RARB: variants seen among roughly 807,000 people sequenced by gnomAD.
The protein encoded by RARB is retinoic acid receptor beta.
Under a neutral mutation model 51.9 loss-of-function variants are expected in RARB, and 17 were observed. That is an observed-to-expected ratio of 0.33 (90% CI 0.22 to 0.49). RARB has a LOEUF of 0.49. Among genes scored for constraint, RARB ranks in the 20% least tolerant of loss-of-function variants. The pLI is 0.99. For missense variants in RARB, 369 were observed against 550.8 expected, an observed-to-expected ratio of 0.67 and a Z score of 3.30; for synonymous variants, 215 against 195.4, an observed-to-expected ratio of 1.10 and a Z score of -0.84.
chr3:25,238,445 T>C (rs1175171913), intron 5 of RARB, among the ~76,000 whole-genome samples: 1 of 152,228 alleles, frequency 6.6e-6, no homozygotes, highest in African/African-American at 2.4e-5. Flanking sequence ...ATCTTTGATG[T>C]TGTGAATAGT....
intron 1 of RARB, among the ~76,000 whole-genome samples, chr3:24,858,342 A>G (rs1311443669): frequency 6.6e-6 from 1 of 152,144 alleles, no homozygotes; most frequent in African/African-American, 2.4e-5. Context: ...TGGGCACTAT[A>G]ATTAACGATT....
chr3:25,066,124 C>G (rs1393047037), intron 3 of RARB, among the ~76,000 whole-genome samples: 3 of 152,088 alleles, frequency 2.0e-5, no homozygotes, highest in Admixed American at 6.5e-5. Flanking sequence ...AGCTGCTGCC[C>G]TTTCATTTTA....
intron 2 of RARB, among the ~76,000 whole-genome samples, chr3:25,464,169 T>G (rs73820495): frequency 6.6e-6 from 1 of 152,160 alleles, no homozygotes; most frequent in Non-Finnish European, 1.5e-5. Flanking sequence ...GAAATCTGAG[T>G]GAGGTATGCT....
intron 3 of RARB, among the ~76,000 whole-genome samples, chr3:25,119,669 A>G (rs976214732): frequency 2.7e-5 from 4 of 148,024 alleles, no homozygotes; most frequent in Admixed American, 6.7e-5. Flanking sequence ...CAAAAAAAAA[A>G]CAACAACAAA....
chr3:24,980,390 C>T (rs73608940), intron 2 of RARB, among the ~76,000 whole-genome samples: 1 of 152,182 alleles, frequency 6.6e-6, no homozygotes, highest in Non-Finnish European at 1.5e-5. Context: ...CATTCTCCCT[C>T]TCACTTTCAG....
intron 1 of RARB, among the ~76,000 whole-genome samples, chr3:24,836,790 T>C (rs1406935939): frequency 1.3e-5 from 2 of 152,246 alleles, no homozygotes; most frequent in African/African-American, 2.4e-5. Flanking sequence ...GAAGATACTT[T>C]GGAAAAATTC....
chr3:25,232,783 G>GT (rs1398983312), intron 5 of RARB, among the ~76,000 whole-genome samples: 5 of 151,838 alleles, frequency 3.3e-5, no homozygotes, highest in African/African-American at 1.2e-4. Context: ...CAATCATTCT[G>GT]TTTTTCACTT....
chr3:25,531,017 T>G lies in RARB; in HGVS notation c.448+29694T>G, dbSNP rs1575492190. Among the ~76,000 whole-genome samples the G allele has an allele frequency of 2.0e-5, 3 of 152,328 alleles. No individual in the cohort carries two copies. The East Asian group carries it at 5.8e-4, about 29-fold the overall frequency. On this transcript the variant is annotated intron_variant, in intron 3 of 7. Coordinates refer to ENST00000330688, the MANE Select transcript of RARB (RefSeq NM_000965.5). ...TTTTGTTTAGTTTGTGTGTTTGTTT[T>G]ACATAATTGCCGGAAACACAGGTGG... is the stretch of plus-strand genomic sequence containing the variant.
chr3:24,983,143 G>A lies in RARB; in HGVS notation c.-379-76982G>A, dbSNP rs1315597716. On this transcript the variant is annotated intron_variant, in intron 2 of 11. Transcript: ENST00000383772. ...TGAGTTGCCAATAAAACACACATGT[G>A]CTAGTGAGCATTTGTAGCTGTCACA... is the stretch of plus-strand genomic sequence containing the variant. Among the ~76,000 whole-genome samples, 4 of 152,232 alleles carry A rather than the reference G, an allele frequency of 2.6e-5. No individual in the cohort carries two copies. In the East Asian group the frequency reaches 5.8e-4, roughly 22 times the overall value.
intron 3 of RARB, among the ~76,000 whole-genome samples, chr3:25,542,775 A>G (rs913472169): frequency 6.6e-6 from 1 of 152,226 alleles, no homozygotes; most frequent in African/African-American, 2.4e-5. Context: ...GCAGGTAATT[A>G]GTAAATTTAT....
chr3:25,461,252 C>G lies in RARB; in HGVS notation c.217C>G (p.Pro73Ala), dbSNP rs1334638232. 1.2e-6 allele frequency: 2 copies of G among 1,614,098 alleles called. No homozygotes were observed. Among genetic ancestry groups the G allele is most frequent in the South Asian group, 2.2e-5 (2 of 91,080 alleles). ...ELVPSPPSPL[P>A]PPRVYKPCFV... is the part of the protein sequence containing the mutation. Reference sequence around the variant, plus strand: ...CGTCCCAAGCCCCCCATCTCCACTTCCTCCCCCTCGAGTGTACAAACCCTG... The same window carrying G: ...CGTCCCAAGCCCCCCATCTCCACTTGCTCCCCCTCGAGTGTACAAACCCTG... Residue 73 changes from proline to alanine, a missense_variant, in exon 2 of 8, where the codon CCT (proline) becomes GCT (alanine). This residue lies in a region of RARB where 99 missense variants were observed against 95.1 expected (regional missense o/e 1.04). Transcript: ENST00000330688.
At chr3:25,242,560 G>A (rs1702459143) in intron 5 of RARB, among the ~76,000 whole-genome samples, 1 of 152,128 alleles carries the variant, frequency 6.6e-6, no homozygotes, top group Non-Finnish European at 1.5e-5. Context: ...TATTAAATAG[G>A]GAATCCTTTT....
intron 2 of RARB, among the ~76,000 whole-genome samples, chr3:25,011,200 G>C (rs1200038918): frequency 1.3e-5 from 2 of 152,104 alleles, no homozygotes; most frequent in Non-Finnish European, 2.9e-5. Flanking sequence ...AAAAGGGAAT[G>C]AACAATAAAG....
chr3:24,959,496 A>G (rs970281540), intron 2 of RARB, among the ~76,000 whole-genome samples: 4 of 152,032 alleles, frequency 2.6e-5, no homozygotes, highest in Admixed American at 2.6e-4. Flanking sequence ...AGGGTTTTTT[A>G]TCGATATAGC....
chr3:25,017,986 C>G (rs532337451), intron 2 of RARB, among the ~76,000 whole-genome samples: 25 of 152,170 alleles, frequency 1.6e-4, no homozygotes, highest in Non-Finnish European at 3.5e-4. Context: ...AGCAGCCCAT[C>G]TCTAGACACC....
intron 2 of RARB, among the ~76,000 whole-genome samples, chr3:24,874,462 G>C (rs1187526716): frequency 1.3e-5 from 2 of 151,976 alleles, no homozygotes; most frequent in African/African-American, 4.8e-5. Flanking sequence ...ATGCCCTTCA[G>C]ATATTTCAAA....
At chr3:25,487,652 G>C (rs914518250) in intron 2 of RARB, among the ~76,000 whole-genome samples, 8 of 152,048 alleles carry the variant, frequency 5.3e-5, no homozygotes, top group Non-Finnish European at 1.2e-4. Context: ...GAAATACTTT[G>C]GGTAAGCAAG....
At chr3:25,079,454 A>AG (rs964364373) in intron 3 of RARB, among the ~76,000 whole-genome samples, 1 of 152,162 alleles carries the variant, frequency 6.6e-6, no homozygotes, top group Admixed American at 6.5e-5. Flanking sequence ...TCCAATCTTA[A>AG]GGGGAAAGCA....
intron 5 of RARB, among the ~76,000 whole-genome samples, chr3:25,366,149 C>T (rs1706112634): frequency 1.3e-5 from 2 of 152,166 alleles, no homozygotes; most frequent in Admixed American, 6.5e-5. Flanking sequence ...GGCTTCACAT[C>T]CATTTTCTTC....
Sources: allele counts gnomAD v4.1 joint callset (sites outside exome capture counted in the v4.1 genomes callset), GRCh38; gene constraint gnomAD v4.1.1; regional missense constraint gnomAD v4.1.1; transcripts MANE v1.5; gene names NCBI Gene and HGNC (gene_info 2026-07-23, HGNC 2026-07-21).